GDA: variants seen among roughly 807,000 people sequenced by gnomAD.
The protein encoded by GDA is guanine deaminase.
In GDA, 18 loss-of-function variants were observed where a neutral mutation model predicts 59.6. That is an observed-to-expected ratio of 0.30 (90% CI 0.21 to 0.45). The LOEUF (loss-of-function observed/expected upper bound fraction) is 0.45, where lower values mean the gene tolerates loss of function less well. Among genes scored for constraint, GDA ranks in the 20% least tolerant of loss-of-function variants. The pLI is 1.00. For synonymous variants in GDA, 201 were observed against 201.1 expected (o/e 1.00, Z 0.00); for missense variants, 427 against 552.3 (o/e 0.77, Z 2.27).
rs11357949 is a variant in GDA at position 72,123,482 on chromosome 9, C to CT, written c.-100+8671dup. 6.0e-3 allele frequency among the ~76,000 whole-genome samples: 458 copies of CT among 76,614 alleles called. 5 individuals carry two copies. Among genetic ancestry groups the CT allele is most frequent in the East Asian group, 0.012 (40 of 3,264 alleles). The allele number at this position is 76,614 out of a possible 152,430, so 50.3% of individuals were successfully genotyped here. On this transcript the variant is annotated intron_variant, in intron 1 of 13. Transcript: ENST00000545168. The stretch of plus-strand genomic sequence containing the variant: ...ACAGGCGTAAGCCACCATGCCCGGC[C>CT]TTTTTTTTTTTTTTTTTTTTTTGAG...
chr9:72,145,148 T>C (rs1031195579), upstream of GDA, among the ~76,000 whole-genome samples: 5 of 152,148 alleles, frequency 3.3e-5, no homozygotes, highest in African/African-American at 1.2e-4. Context: ...CCTACGCTGA[T>C]TGGATTCCTG....
chr9:72,149,747 G>C (rs1026792344), intron 1 of GDA, 65 bp downstream of exon 1: 1 of 1,480,120 alleles, frequency 6.8e-7, no homozygotes, highest in Admixed American at 2.4e-5. Context: ...AACCTGGCGC[G>C]GTGCTTCGCG....
At chr9:72,225,030 C>G (rs781660724) in intron 7 of GDA, among the ~76,000 whole-genome samples, 1 of 152,106 alleles carries the variant, frequency 6.6e-6, no homozygotes, top group Non-Finnish European at 1.5e-5. Flanking sequence ...GCCTGTAATC[C>G]CAGCACTTTG....
chr9:72,184,696 CA>C (rs1434273339), intron 1 of GDA, among the ~76,000 whole-genome samples: 12 of 152,092 alleles, frequency 7.9e-5, no homozygotes, highest in African/African-American at 2.7e-4. Flanking sequence ...TGTAAGCCAC[CA>C]GAGTCTGTAC....
At chr9:72,123,210 G>A (rs1825726190) in intron 1 of GDA, among the ~76,000 whole-genome samples, 1 of 129,230 alleles carries the variant, frequency 7.7e-6, no homozygotes, top group African/African-American at 3.1e-5. Flanking sequence ...TTGAGACCGA[G>A]TCTTGCTCTG....
chr9:72,193,516 A>G (rs1191810273), intron 1 of GDA, among the ~76,000 whole-genome samples: 1 of 152,274 alleles, frequency 6.6e-6, no homozygotes, highest in Admixed American at 6.5e-5. Flanking sequence ...AGCTCGGGGT[A>G]GAGTGACACA....
chr9:72,120,775 A>G (rs754512450), intron 1 of GDA, among the ~76,000 whole-genome samples: 2 of 152,182 alleles, frequency 1.3e-5, no homozygotes. Context: ...TATCAAGCCT[A>G]TGCTTCCACC....
downstream of GDA, among the ~76,000 whole-genome samples, chr9:72,254,448 T>G (rs933623116): frequency 2.8e-5 from 4 of 145,214 alleles, no homozygotes; most frequent in African/African-American, 1.0e-4. Context: ...AAAATGCAAT[T>G]AAAAAAAAAA....
intron 1 of GDA, among the ~76,000 whole-genome samples, chr9:72,173,802 C>T (rs182723012): frequency 2.0e-5 from 3 of 152,268 alleles, no homozygotes; most frequent in African/African-American, 4.8e-5. Flanking sequence ...CTTTTGTCCT[C>T]ATTTTCTCAT....
intron 1 of GDA, among the ~76,000 whole-genome samples, chr9:72,150,573 C>CAA (rs374808129): frequency 6.6e-6 from 1 of 151,880 alleles, no homozygotes; most frequent in South Asian, 2.1e-4. Flanking sequence ...TTTTTTAGAA[C>CAA]AAAAAAATGA....
chr9:72,142,768 T>C (rs1162782259), intron 1 of GDA, among the ~76,000 whole-genome samples: 1 of 152,026 alleles, frequency 6.6e-6, no homozygotes, highest in African/African-American at 2.4e-5. Context: ...TTTTATTTTA[T>C]TTATTTATTT....
chr9:72,187,236 A>C (rs1336699211), intron 1 of GDA, among the ~76,000 whole-genome samples: 1 of 152,224 alleles, frequency 6.6e-6, no homozygotes, highest in East Asian at 1.9e-4. Flanking sequence ...GTTGAAACTC[A>C]ATTGCCATTG....
intron 5 of GDA, among the ~76,000 whole-genome samples, chr9:72,218,166 A>G (rs1377185381): frequency 6.6e-6 from 1 of 152,186 alleles, no homozygotes; most frequent in African/African-American, 2.4e-5. Flanking sequence ...CGCCTGCTTC[A>G]GCCTCCCAAA....
chr9:72,238,434 A>C (rs1429363164), intron 10 of GDA, among the ~76,000 whole-genome samples: 1 of 152,218 alleles, frequency 6.6e-6, no homozygotes, highest in Admixed American at 6.5e-5. Flanking sequence ...ATGTCTGTTT[A>C]TATGATTCTT....
chr9:72,250,464 T>C lies in GDA; in HGVS notation c.*2122T>C. 1 of 1,305,014 alleles carries C rather than the reference T, an allele frequency of 7.7e-7. No homozygotes were observed. Among genetic ancestry groups the C allele is most frequent in the Non-Finnish European group, 9.8e-7 (1 of 1,022,034 alleles). 80.8% of individuals were successfully genotyped at this position (1,305,014 alleles called of 1,614,324 possible). A position where few individuals can be genotyped will look rare whatever the true frequency, so the allele number is the denominator to read the frequency against. The stretch of plus-strand genomic sequence containing the variant: ...CTCTGATAGTGTGTTAAGACCTGAA[T>C]ATCTTTCCTAGTAAAAATAGGATGT... On this transcript the variant is annotated 3_prime_UTR_variant, in exon 14 of 14. Coordinates refer to ENST00000358399, the MANE Select transcript of GDA (RefSeq NM_004293.5).
intron 4 of GDA, among the ~76,000 whole-genome samples, 192 bp downstream of exon 4, chr9:72,210,966 A>G (rs923714598): frequency 6.6e-6 from 1 of 152,166 alleles, no homozygotes; most frequent in African/African-American, 2.4e-5. Flanking sequence ...TACTTAGAAA[A>G]TAGAAAACTG....
rs984358020 is a variant in GDA at position 72,153,271 on chromosome 9, C to T, written c.123+3589C>T. Reference sequence around the variant, plus strand: ...TTGGCTTAGGATTGACTTGGTGATGCGGGCTCTTTTTTGGTTCCATATGAA... The same window carrying T: ...TTGGCTTAGGATTGACTTGGTGATGTGGGCTCTTTTTTGGTTCCATATGAA... On this transcript the variant is annotated intron_variant, in intron 1 of 13. Transcript: ENST00000358399. Among the ~76,000 whole-genome samples the T allele has an allele frequency of 4.5e-4, 68 of 151,892 alleles. 1 individual carries two copies. The highest frequency in any genetic ancestry group is 3.7e-3 in the Admixed American group (56 of 15,256).
In GDA at chr9:72,209,824, A is replaced by G. The variant is rs147981918; in HGVS notation, c.385-863A>G. Among the ~76,000 whole-genome samples, 1,127 of 152,274 alleles carry G rather than the reference A, an allele frequency of 7.4e-3. 12 individuals carry two copies. The highest frequency in any genetic ancestry group is 0.01 in the Non-Finnish European group (684 of 68,024). On this transcript the variant is annotated intron_variant, in intron 3 of 13. Coordinates refer to ENST00000358399, the MANE Select transcript of GDA (RefSeq NM_004293.5). Reference sequence around the variant, plus strand: ...TCTTTTAGAGCCATTCATTTTCTCTAGAAAATAATCGTTTAGTCCCCTGCC... The same window carrying G: ...TCTTTTAGAGCCATTCATTTTCTCTGGAAAATAATCGTTTAGTCCCCTGCC...
chr9:72,227,874 C>A, intron 8 of GDA, 69 bp from the exon 9 acceptor site: 1 of 807,936 alleles, frequency 1.2e-6, no homozygotes, highest in Non-Finnish European at 2.2e-6. Context: ...CTCTAAAATA[C>A]CTTGTGAGTG....
Sources: gnomAD v4.1 joint callset for allele counts (sites outside exome capture counted in the v4.1 genomes callset) on GRCh38, gnomAD v4.1.1 for gene constraint, MANE v1.5 for transcripts, NCBI Gene and HGNC (gene_info 2026-07-23, HGNC 2026-07-21) for gene names.